The following CACNA1D variants were observed in gnomAD, a reference collection of about 807,000 sequenced individuals.
CACNA1D encodes the protein voltage-dependent L-type calcium channel subunit alpha-1D.
CACNA1D carries 55 observed loss-of-function variants against 257.1 expected under a neutral mutation model. The observed-to-expected ratio is 0.21, with a 90% CI of 0.17 to 0.27. The LOEUF is 0.27. CACNA1D is among the 10% of genes least tolerant of loss of function. CACNA1D has a pLI of 1.00. For synonymous variants in CACNA1D, 980 were observed against 1,014.9 expected (o/e 0.97, Z 0.65); for missense variants, 1,876 against 2,784.0 (o/e 0.67, Z 7.34).
intron 14 of CACNA1D, among the ~76,000 whole-genome samples, chr3:53,725,998 C>A (rs1216560483): frequency 6.6e-6 from 1 of 152,168 alleles, no homozygotes; most frequent in Non-Finnish European, 1.5e-5. Context: ...TGTAAATTTA[C>A]ATGAGACATT....
chr3:53,654,083 A>G (rs752165904), intron 4 of CACNA1D, among the ~76,000 whole-genome samples: 152 of 152,316 alleles, frequency 1.0e-3, no homozygotes, highest in Non-Finnish European at 9.1e-4. Context: ...GTCAAAATCA[A>G]AATTTTTTCA....
intron 3 of CACNA1D, among the ~76,000 whole-genome samples, chr3:53,583,015 G>A (rs1350959463): frequency 6.6e-6 from 1 of 152,062 alleles, no homozygotes; most frequent in African/African-American, 2.4e-5. Flanking sequence ...ATCATGTGAA[G>A]TTTGTAGTGG....
At chr3:53,535,633 C>A (rs1346954554) in intron 3 of CACNA1D, among the ~76,000 whole-genome samples, 1 of 152,112 alleles carries the variant, frequency 6.6e-6, no homozygotes, top group African/African-American at 2.4e-5. Flanking sequence ...TTGCAAAAAG[C>A]AAACAAGGAT....
intron 1 of CACNA1D, 22 bp from the exon 2 acceptor site, chr3:53,497,130 T>G: frequency 6.2e-7 from 1 of 1,609,354 alleles, no homozygotes; most frequent in Non-Finnish European, 8.5e-7. Context: ...AAAAAAATCT[T>G]TGTTTTTCTC....
Position 53,672,996 on chromosome 3 carries a change from C to T in CACNA1D, c.1117-27C>T, listed in dbSNP as rs760240153. The T allele has an allele frequency of 8.9e-6, 13 of 1,459,296 alleles. No homozygotes were observed. In the South Asian group the frequency reaches 1.6e-4, roughly 18 times the overall value. The allele number at this position is 1,459,296 out of a possible 1,614,324, so 90.4% of individuals were successfully genotyped here. On this transcript the variant is annotated intron_variant, in intron 7 of 47. Coordinates refer to ENST00000350061, the MANE Select transcript of CACNA1D (RefSeq NM_001128840.3). ...TATTAAATCCTCTTATTAACCCACTCCTATGAGACCATCTTATTTCTTGCA... is the reference window on the plus strand; with the variant it reads ...TATTAAATCCTCTTATTAACCCACTTCTATGAGACCATCTTATTTCTTGCA...
At chr3:53,549,816 A>C (rs760507215) in intron 3 of CACNA1D, among the ~76,000 whole-genome samples, 3 of 152,220 alleles carry the variant, frequency 2.0e-5, no homozygotes, top group Non-Finnish European at 4.4e-5. Flanking sequence ...ATTTATCATA[A>C]AATCTAAGTT....
chr3:53,501,713 A>G lies in CACNA1D; in HGVS notation c.476A>G (p.His159Arg). 6.4e-7 allele frequency: 1 copy of G among 1,558,236 alleles called. No individual in the cohort carries two copies. The highest frequency in any genetic ancestry group is 8.9e-7 in the Non-Finnish European group (1 of 1,129,656). Residue 159 changes from histidine to arginine, a missense_variant, in exon 3 of 48, where the codon CAT becomes CGT. Coordinates refer to ENST00000350061, the MANE Select transcript of CACNA1D (RefSeq NM_001128840.3). Reference sequence around the variant, plus strand: ...GAAGATGATTCTAATTCAACAAATCATAACTTGGTAAGTGTCCTTAGAGTT... The same window carrying G: ...GAAGATGATTCTAATTCAACAAATCGTAACTTGGTAAGTGTCCTTAGAGTT... ...FPEDDSNSTN[H>R]NLEKVEYAFL...
At chr3:53,635,218 C>T (rs924179758) in intron 3 of CACNA1D, among the ~76,000 whole-genome samples, 6 of 152,302 alleles carry the variant, frequency 3.9e-5, no homozygotes, top group Admixed American at 3.3e-4. Flanking sequence ...GCCATGCCTG[C>T]TGGAGGACAC....
Position 53,589,738 on chromosome 3 carries a change from G to A in CACNA1D, c.484-61041G>A, listed in dbSNP as rs181924951. ...GATCCTCCCTTCTCAACCTCCCAAA[G>A]CACTGGGATTACAGGCATGTGCCAT... On this transcript the variant is annotated intron_variant, in intron 3 of 47. Transcript: ENST00000350061. Among the ~76,000 whole-genome samples the A allele has an allele frequency of 2.8e-3, 430 of 152,212 alleles. 6 individuals carry two copies. Among genetic ancestry groups the A allele is most frequent in the South Asian group, 0.021 (99 of 4,818 alleles).
intron 8 of CACNA1D, among the ~76,000 whole-genome samples, chr3:53,696,658 C>T (rs2094575960): frequency 6.6e-6 from 1 of 152,148 alleles, no homozygotes; most frequent in Non-Finnish European, 1.5e-5. Context: ...GAGACTTGAG[C>T]TTGGTCTTGA....
intron 3 of CACNA1D, among the ~76,000 whole-genome samples, chr3:53,518,137 G>T (rs140198986): frequency 1.5e-4 from 23 of 152,346 alleles, no homozygotes; most frequent in Admixed American, 1.2e-3. Flanking sequence ...CACGTCGGGT[G>T]CTGAAGCTGG....
intron 28 of CACNA1D, among the ~76,000 whole-genome samples, chr3:53,752,535 G>A (rs558496405): frequency 3.9e-4 from 59 of 152,292 alleles, no homozygotes; most frequent in Non-Finnish European, 7.6e-4. Flanking sequence ...GAGTAGCTAC[G>A]ATTACAGGCA....
chr3:53,600,507 C>T (rs1199280783), intron 3 of CACNA1D, among the ~76,000 whole-genome samples: 1 of 152,168 alleles, frequency 6.6e-6, no homozygotes, highest in Non-Finnish European at 1.5e-5. Context: ...GACAGGGAAA[C>T]TGAGATACCA....
At chr3:53,780,593 C>T (rs2095420588) in intron 38 of CACNA1D, among the ~76,000 whole-genome samples, 2 of 152,194 alleles carry the variant, frequency 1.3e-5, no homozygotes, top group African/African-American at 4.8e-5. Flanking sequence ...CTTTGCAGTG[C>T]CTAGCACACA....
Position 53,768,853 on chromosome 3 carries a change from A to G in CACNA1D, c.3871-1120A>G, listed in dbSNP as rs867347100. ...CAGATCCCCAGGGAGGAGGCCCTCG[A>G]GAAGTGAGCACATCCAGACGTGCAC... is the stretch of plus-strand genomic sequence containing the variant. On this transcript the variant is annotated intron_variant, in intron 30 of 47. Coordinates refer to ENST00000350061, the MANE Select transcript of CACNA1D (RefSeq NM_001128840.3). Among the ~76,000 whole-genome samples, 8 of 152,308 alleles carry G rather than the reference A, an allele frequency of 5.3e-5. No individual in the cohort carries two copies. The South Asian group carries it at 8.3e-4, about 16-fold the overall frequency.
chr3:53,557,785 G>A (rs553986714), intron 3 of CACNA1D, among the ~76,000 whole-genome samples: 56 of 152,232 alleles, frequency 3.7e-4, no homozygotes, highest in African/African-American at 9.4e-4. Flanking sequence ...GTCATAAAGC[G>A]GGGTGACTTG....
chr3:53,644,580 C>T (rs886563985), intron 3 of CACNA1D, among the ~76,000 whole-genome samples: 2 of 152,188 alleles, frequency 1.3e-5, no homozygotes, highest in African/African-American at 4.8e-5. Context: ...ATTTGCCTTT[C>T]TGTGCCTGGC....
intron 4 of CACNA1D, among the ~76,000 whole-genome samples, chr3:53,651,752 C>T (rs1437357782): frequency 5.3e-4 from 80 of 152,176 alleles, no homozygotes; most frequent in Admixed American, 5.2e-3. Flanking sequence ...TGAGTTGCTC[C>T]TCAAATTATG....
At chr3:53,666,871 A>G (rs2094270259) in intron 7 of CACNA1D, among the ~76,000 whole-genome samples, 1 of 152,166 alleles carries the variant, frequency 6.6e-6, no homozygotes. Context: ...AAGAGAGCCA[A>G]AGGGTCACTT....
Sources: allele counts gnomAD v4.1 joint callset (sites outside exome capture counted in the v4.1 genomes callset), GRCh38; gene constraint gnomAD v4.1.1; transcripts MANE v1.5; gene names NCBI Gene and HGNC (gene_info 2026-07-23, HGNC 2026-07-21).